POC1B: variants seen among roughly 807,000 people sequenced by gnomAD.
POC1B encodes the protein POC1 centriolar protein homolog B.
Under a neutral mutation model 60.6 loss-of-function variants are expected in POC1B, and 44 were observed. The observed-to-expected ratio is 0.73, with a 90% confidence interval of 0.57 to 0.93. POC1B has a LOEUF of 0.93. POC1B is among the 40% of genes least tolerant of loss of function. The pLI is 0.00. For synonymous variants in POC1B, 180 were observed against 198.9 expected (o/e 0.90, Z 0.80); for missense variants, 555 against 572.3 (o/e 0.97, Z 0.31).
chr12:89,453,602 C>T (rs1882141683), intron 10 of POC1B, among the ~76,000 whole-genome samples: 1 of 152,176 alleles, frequency 6.6e-6, no homozygotes, highest in Admixed American at 6.5e-5. Flanking sequence ...CAAATGCCAC[C>T]ATATAAACTG....
At chr12:89,491,576 A>G (rs1422207306) in intron 4 of POC1B, among the ~76,000 whole-genome samples, 3 of 150,142 alleles carry the variant, frequency 2.0e-5, no homozygotes, top group Non-Finnish European at 4.4e-5. Flanking sequence ...ATGAGCAGTA[A>G]TGGCAGCACT....
chr12:89,502,781 T>A, intron 2 of POC1B: 1 of 1,312,116 alleles, frequency 7.6e-7, no homozygotes. Context: ...GGATATATTG[T>A]TTTTTTATGT....
intron 2 of POC1B, among the ~76,000 whole-genome samples, chr12:89,509,548 G>A (rs1870071434): frequency 6.6e-6 from 1 of 152,100 alleles, no homozygotes; most frequent in Non-Finnish European, 1.5e-5. Context: ...GAGCTAAGGA[G>A]TAAGACAGAA....
chr12:89,445,521 T>C (rs1380047260), intron 10 of POC1B, among the ~76,000 whole-genome samples: 2 of 152,184 alleles, frequency 1.3e-5, no homozygotes, highest in African/African-American at 4.8e-5. Flanking sequence ...ATTCCCTATT[T>C]AATAAATGGT....
intron 10 of POC1B, among the ~76,000 whole-genome samples, chr12:89,453,400 G>T (rs774827729): frequency 3.3e-5 from 5 of 152,142 alleles, no homozygotes; most frequent in Admixed American, 6.5e-5. Context: ...CAGAGACCTG[G>T]ATCCTATAAA....
chr12:89,439,171 C>T (rs1881406088), intron 10 of POC1B, among the ~76,000 whole-genome samples: 1 of 152,176 alleles, frequency 6.6e-6, no homozygotes, highest in South Asian at 2.1e-4. Flanking sequence ...CTTCAACTGG[C>T]AGGAAGCTTG....
chr12:89,463,652 T>C (rs1882564728), intron 9 of POC1B, among the ~76,000 whole-genome samples: 1 of 152,162 alleles, frequency 6.6e-6, no homozygotes, highest in Non-Finnish European at 1.5e-5. Flanking sequence ...ATGGAGTGCC[T>C]AGGCCAGGAG....
chr12:89,425,457 C>T (rs1880724100), intron 10 of POC1B, 78 bp from the exon 11 acceptor site: 1 of 1,165,478 alleles, frequency 8.6e-7, no homozygotes, highest in Non-Finnish European at 1.2e-6. Flanking sequence ...TTAAAATATT[C>T]CTCTTCTAAA....
chr12:89,402,843 A>C, the POC1B span, among the ~76,000 whole-genome samples: 2 of 152,062 alleles, frequency 1.3e-5, no homozygotes, highest in East Asian at 3.9e-4. Context: ...AGGTTCAAGC[A>C]ATTCTCAAGC....
In POC1B at chr12:89,466,924, T is replaced by C; in HGVS notation, c.880-2A>G. On this transcript the variant is annotated splice_acceptor_variant, in intron 8 of 11. Coordinates refer to ENST00000313546, the MANE Select transcript of POC1B (RefSeq NM_172240.3). LOFTEE classifies it high-confidence loss of function. ...AAAGTTAGTCCTCCATAATAAGACC[T>C]ATGAAAAAAGTCAATGATGTTGGCA... is the stretch of plus-strand genomic sequence containing the variant. 6.2e-7 allele frequency: 1 copy of C among 1,604,296 alleles called. No homozygotes were observed. Among genetic ancestry groups the C allele is most frequent in the Non-Finnish European group, 8.5e-7 (1 of 1,174,914 alleles).
intron 2 of POC1B, among the ~76,000 whole-genome samples, chr12:89,497,695 C>A (rs932557005): frequency 6.6e-6 from 1 of 152,152 alleles, no homozygotes; most frequent in Non-Finnish European, 1.5e-5. Context: ...AGCTAGTTAA[C>A]CTCTGTGTCA....
intron 3 of POC1B, among the ~76,000 whole-genome samples, chr12:89,496,606 A>G (rs1158367549): frequency 7.2e-5 from 11 of 152,244 alleles, no homozygotes. Flanking sequence ...TACTTAAAAT[A>G]GATGGGCTAT....
intron 3 of POC1B, among the ~76,000 whole-genome samples, chr12:89,492,327 T>C (rs753842423): frequency 2.6e-5 from 4 of 151,694 alleles, no homozygotes; most frequent in Admixed American, 1.3e-4. Context: ...AACTAAAGGG[T>C]AGAAAAGAAG....
intron 2 of POC1B, chr12:89,502,115 T>A (rs1869603535): frequency 1.7e-6 from 2 of 1,172,224 alleles, no homozygotes; most frequent in Admixed American, 1.7e-5. Context: ...GAGTCAAACT[T>A]GGATTCTGGA....
the POC1B span, among the ~76,000 whole-genome samples, chr12:89,408,209 A>G: frequency 6.6e-6 from 1 of 152,074 alleles, no homozygotes; most frequent in African/African-American, 2.4e-5. Context: ...TCTAACATTG[A>G]TGGGCATTTG....
intron 2 of POC1B, among the ~76,000 whole-genome samples, chr12:89,518,244 C>T (rs1870559599): frequency 6.6e-6 from 1 of 152,176 alleles, no homozygotes; most frequent in Non-Finnish European, 1.5e-5. Flanking sequence ...ATTGAAGTTT[C>T]TCTGAAATTT....
chr12:89,495,729 T>C (rs1378159299), intron 3 of POC1B, among the ~76,000 whole-genome samples: 2 of 152,120 alleles, frequency 1.3e-5, no homozygotes, highest in East Asian at 3.9e-4. Context: ...TCAAGTGCAT[T>C]ATTACATTTA....
In POC1B at chr12:89,459,687, T is replaced by C; in HGVS notation, c.1064A>G (p.Gln355Arg). The change falls in exon 10 of 12, where the codon CAG becomes CGG. Residue 355 changes from glutamine (Q) to arginine (R), a missense_variant. Coordinates refer to ENST00000313546, the MANE Select transcript of POC1B (RefSeq NM_172240.3). ...ATCCATAACAGGGGGAGTAGAGATC[T>C]GCAAATCGATTACCTCAAGCTTTGG... ...INPKLEVIDL[Q>R]ISTPPVMDIL... is the part of the protein sequence containing the mutation. The C allele has an allele frequency of 1.3e-6, 2 of 1,539,456 alleles. No individual in the cohort carries two copies. Among genetic ancestry groups the C allele is most frequent in the Non-Finnish European group, 1.8e-6 (2 of 1,141,846 alleles).
chr12:89,450,008 T>C (rs1881976084), intron 10 of POC1B, among the ~76,000 whole-genome samples: 1 of 152,154 alleles, frequency 6.6e-6, no homozygotes, highest in African/African-American at 2.4e-5. Flanking sequence ...GGTTTTATCA[T>C]TAAAAATAAA....
Sources: gnomAD v4.1 joint callset for allele counts (sites outside exome capture counted in the v4.1 genomes callset) on GRCh38, gnomAD v4.1.1 for gene constraint, MANE v1.5 for transcripts, NCBI Gene and HGNC (gene_info 2026-07-23, HGNC 2026-07-21) for gene names.